The following PRKCH variants were observed in gnomAD, a reference collection of about 807,000 sequenced individuals.
PRKCH encodes protein kinase C eta type.
PRKCH carries 28 observed loss-of-function variants against 82.5 expected under a neutral mutation model. That is an observed-to-expected ratio of 0.34 (90% CI 0.25 to 0.47). The LOEUF (loss-of-function observed/expected upper bound fraction) is 0.47. Ranked by LOEUF, PRKCH falls within the 20% of genes least tolerant of loss-of-function variation. PRKCH has a pLI of 1.00. For synonymous variants in PRKCH, 322 were observed against 327.4 expected (o/e 0.98, Z 0.18); for missense variants, 705 against 881.8 (o/e 0.80, Z 2.54).
At chr14:61,538,909 C>T (rs978895555) in intron 12 of PRKCH, among the ~76,000 whole-genome samples, 1 of 152,178 alleles carries the variant, frequency 6.6e-6, no homozygotes, top group Non-Finnish European at 1.5e-5. Flanking sequence ...ATTGTATAGT[C>T]CCCACTAGAG....
At chr14:61,540,639 A>T (rs2043171408) in intron 12 of PRKCH, among the ~76,000 whole-genome samples, 2 of 152,240 alleles carry the variant, frequency 1.3e-5, no homozygotes, top group Admixed American at 6.5e-5. Flanking sequence ...GCATACATAT[A>T]TGGTAGTAAT....
intron 1 of PRKCH, among the ~76,000 whole-genome samples, chr14:61,316,180 A>T (rs2045560884): frequency 6.6e-6 from 1 of 152,132 alleles, no homozygotes; most frequent in South Asian, 2.1e-4. Context: ...CATAGAACTC[A>T]TTTTACTTTG....
rs763986262 is a variant in PRKCH at position 61,416,143 on chromosome 14, C to T, written c.427+24855C>T. On this transcript the variant is annotated intron_variant, in intron 2 of 13. Transcript: ENST00000332981. The stretch of plus-strand genomic sequence containing the variant: ...TCTTGGCTCACTGCAACCTCTGCCC[C>T]GCCCCCGGGCTCAAGCCATCCTCCC... 5.3e-5 allele frequency among the ~76,000 whole-genome samples: 8 copies of T among 151,140 alleles called. No homozygotes were observed. In the East Asian group the frequency reaches 7.8e-4, roughly 15 times the overall value.
At chr14:61,518,838 G>C (rs1044973832) in intron 10 of PRKCH, among the ~76,000 whole-genome samples, 2 of 152,058 alleles carry the variant, frequency 1.3e-5, no homozygotes, top group Non-Finnish European at 2.9e-5. Context: ...TTTGAGACAG[G>C]ATCTTGCTCT....
intron 1 of PRKCH, among the ~76,000 whole-genome samples, chr14:61,236,772 T>C (rs150676102): frequency 0.015 from 2,226 of 145,908 alleles, 21 homozygotes; most frequent in Middle Eastern, 0.04. Flanking sequence ...AAAACCAAGA[T>C]GGCCACAAGA....
intron 10 of PRKCH, among the ~76,000 whole-genome samples, chr14:61,488,151 C>A (rs1886309221): frequency 7.1e-6 from 1 of 140,740 alleles, no homozygotes; most frequent in African/African-American, 2.6e-5. Context: ...GACTCCGTCT[C>A]AAAAAAAAAA....
At chr14:61,468,555 T>A (rs943429189) in intron 9 of PRKCH, among the ~76,000 whole-genome samples, 5 of 152,150 alleles carry the variant, frequency 3.3e-5, no homozygotes, top group African/African-American at 9.7e-5. Context: ...TGTAGCTAAA[T>A]AGGGCCACAA....
intron 2 of PRKCH, among the ~76,000 whole-genome samples, chr14:61,432,923 G>GC (rs781742436): frequency 3.9e-4 from 1 of 2,590 alleles, no homozygotes; most frequent in Admixed American, 6.0e-3. Flanking sequence ...TAAAAAAAAA[G>GC]TGGGGGGGAT....
At chr14:61,462,288 G>C (rs1220214804) in intron 9 of PRKCH, among the ~76,000 whole-genome samples, 1 of 152,166 alleles carries the variant, frequency 6.6e-6, no homozygotes, top group Non-Finnish European at 1.5e-5. Flanking sequence ...TACTCCAGAG[G>C]CTGAGACAGG....
intron 10 of PRKCH, among the ~76,000 whole-genome samples, chr14:61,511,467 G>A (rs1887371319): frequency 6.6e-6 from 1 of 152,170 alleles, no homozygotes; most frequent in South Asian, 2.1e-4. Flanking sequence ...AACTGCCAGA[G>A]CCTCTCGGAT....
chr14:61,431,174 T>C (rs1883375397), intron 2 of PRKCH, among the ~76,000 whole-genome samples: 1 of 91,438 alleles, frequency 1.1e-5, no homozygotes, highest in African/African-American at 3.2e-5. Context: ...ACTCAATTGG[T>C]AAGGGAAAAA....
intron 1 of PRKCH, among the ~76,000 whole-genome samples, chr14:61,343,541 G>C (rs755202500): frequency 6.6e-6 from 1 of 152,190 alleles, no homozygotes; most frequent in Middle Eastern, 3.4e-3. Flanking sequence ...ACTAGAGAAT[G>C]CAGGGCACGA....
In PRKCH at chr14:61,384,625, C is replaced by T. The variant is rs79246870; in HGVS notation, c.364-6600C>T. ...TGGGGAGGTATAGTATTTGAGGCAG[C>T]GCTGATTCATGTGAGTTCAACACTG... On this transcript the variant is annotated intron_variant, in intron 1 of 13. Coordinates refer to ENST00000332981, the MANE Select transcript of PRKCH (RefSeq NM_006255.5). Among the ~76,000 whole-genome samples the T allele has an allele frequency of 1.3e-3, 204 of 151,954 alleles. 1 individual carries two copies. The highest frequency in any genetic ancestry group is 4.3e-3 in the African/African-American group (179 of 41,346).
chr14:61,549,786 T>C lies in PRKCH; in HGVS notation c.2007T>C (p.Asp669=), dbSNP rs751208697. The part of the protein sequence containing the change: ...DEGHLPMINQ[D]EFRNFSYVSP... ...GACATCTTCCAATGATTAACCAGGA[T>C]GAGTTTAGAAACTTTTCCTATGTGT... The change falls in exon 14 of 14, where the codon GAT becomes GAC. Residue 669 remains aspartate, a synonymous_variant. Transcript: ENST00000332981. The C allele has an allele frequency of 7.4e-6, 12 of 1,614,090 alleles. No homozygotes were observed. Among genetic ancestry groups the C allele is most frequent in the Middle Eastern group, 1.7e-4 (1 of 6,060 alleles).
intron 10 of PRKCH, chr14:61,525,735 G>T (rs2042957299): frequency 6.6e-6 from 1 of 152,220 alleles, no homozygotes; most frequent in Non-Finnish European, 1.5e-5. Flanking sequence ...TGCCCAAGAA[G>T]ATCCTTTCCA....
At chr14:61,308,221 T>C (rs950588813) in intron 1 of PRKCH, among the ~76,000 whole-genome samples, 1 of 152,222 alleles carries the variant, frequency 6.6e-6, no homozygotes, top group Non-Finnish European at 1.5e-5. Context: ...ATTACATAAA[T>C]GGACCAAAAC....
At chr14:61,375,336 T>A (rs751976139) in intron 1 of PRKCH, among the ~76,000 whole-genome samples, 6 of 152,102 alleles carry the variant, frequency 3.9e-5, no homozygotes, top group Non-Finnish European at 7.3e-5. Context: ...TATCTCCCTG[T>A]CTTCTGAGCC....
At chr14:61,522,911 G>C (rs915426756) in intron 10 of PRKCH, among the ~76,000 whole-genome samples, 1 of 152,220 alleles carries the variant, frequency 6.6e-6, no homozygotes, top group African/African-American at 2.4e-5. Context: ...TCTAACTCAC[G>C]ATGAAACCAA....
In PRKCH at chr14:61,457,757, T is replaced by C. The variant is rs567771482; in HGVS notation, c.1278+78T>C. 3.2e-5 allele frequency: 49 copies of C among 1,542,388 alleles called. No individual in the cohort carries two copies. The African/African-American group carries it at 6.0e-4, about 19-fold the overall frequency. Reference sequence around the variant, plus strand: ...AGACAGTAAGATACTGGAGATTTCATAAAGTTGAGTATCAGAAATTTTGGG... The same window carrying C: ...AGACAGTAAGATACTGGAGATTTCACAAAGTTGAGTATCAGAAATTTTGGG... On this transcript the variant is annotated intron_variant, in intron 9 of 13. Coordinates refer to ENST00000332981, the MANE Select transcript of PRKCH (RefSeq NM_006255.5).
Sources: allele counts gnomAD v4.1 joint callset (sites outside exome capture counted in the v4.1 genomes callset), GRCh38; gene constraint gnomAD v4.1.1; transcripts MANE v1.5; gene names NCBI Gene and HGNC (gene_info 2026-07-23, HGNC 2026-07-21).